Variants in PSME4 observed in about 807,000 individuals in gnomAD.
The protein encoded by PSME4 is proteasome activator subunit 4.
Under a neutral mutation model 253.9 loss-of-function variants are expected in PSME4, and 89 were observed. The ratio of observed to expected loss-of-function variants is 0.35; its 90% CI spans 0.30 to 0.42. The LOEUF is 0.42. PSME4 is among the 10% of genes least tolerant of loss of function. PSME4 has a pLI of 1.00. For synonymous variants in PSME4, 851 were observed against 759.2 expected, an observed-to-expected ratio of 1.12 and a Z score of -1.99; for missense variants, 2,014 against 2,195.2, an observed-to-expected ratio of 0.92 and a Z score of 1.65.
At chr2:53,916,282 G>A (rs921502168) in intron 20 of PSME4, among the ~76,000 whole-genome samples, 12 of 150,822 alleles carry the variant, frequency 8.0e-5, no homozygotes, top group African/African-American at 1.7e-4. Context: ...TGCTATGTGC[G>A]TCTAAAAACT....
intron 1 of PSME4, among the ~76,000 whole-genome samples, chr2:53,968,545 T>A (rs771024653): frequency 6.6e-6 from 1 of 152,174 alleles, no homozygotes; most frequent in Non-Finnish European, 1.5e-5. Flanking sequence ...CACCTTAACA[T>A]GACTTAGGAA....
At chr2:53,878,011 C>G (rs1485219900) in intron 41 of PSME4, among the ~76,000 whole-genome samples, 1 of 152,116 alleles carries the variant, frequency 6.6e-6, no homozygotes, top group Non-Finnish European at 1.5e-5. Context: ...AAAAGTGAGT[C>G]TCTGAGGAAA....
intron 43 of PSME4, among the ~76,000 whole-genome samples, chr2:53,873,343 A>G (rs1040452696): frequency 6.6e-6 from 1 of 152,134 alleles, no homozygotes; most frequent in Non-Finnish European, 1.5e-5. Context: ...TAGACTCATT[A>G]GGGAGGTAGA....
intron 3 of PSME4, among the ~76,000 whole-genome samples, chr2:53,946,630 C>G (rs547930543): frequency 1.0e-3 from 158 of 152,320 alleles, no homozygotes; most frequent in Non-Finnish European, 1.6e-3. Context: ...GTGTAGTGGC[C>G]CATGCCTGTA....
intron 3 of PSME4, among the ~76,000 whole-genome samples, chr2:53,941,469 G>T (rs931016100): frequency 6.6e-6 from 1 of 151,688 alleles, no homozygotes; most frequent in Admixed American, 6.6e-5. Flanking sequence ...ATCCAACTAC[G>T]TTTAAAGCTC....
intron 36 of PSME4, 52 bp from the exon 37 acceptor site, chr2:53,890,260 T>C (rs1399363096): frequency 8.4e-7 from 1 of 1,191,806 alleles, no homozygotes. Flanking sequence ...AGAACATTTT[T>C]CTTCAAATAT....
At chr2:53,904,325 T>C (rs1165747286) in intron 26 of PSME4, among the ~76,000 whole-genome samples, 169 bp from the exon 27 acceptor site, 4 of 152,152 alleles carry the variant, frequency 2.6e-5, no homozygotes, top group African/African-American at 9.7e-5. Context: ...TTTACTTATA[T>C]CAAAAGGAAA....
intron 4 of PSME4, among the ~76,000 whole-genome samples, chr2:53,937,768 T>C (rs1251180354): frequency 6.6e-6 from 1 of 151,906 alleles, no homozygotes; most frequent in Non-Finnish European, 1.5e-5. Flanking sequence ...GAAGCTGAGG[T>C]CGATGGATCA....
At chr2:53,926,152 G>C in intron 12 of PSME4, 129 bp from the exon 13 acceptor site, 8 of 667,368 alleles carry the variant, frequency 1.2e-5, no homozygotes, top group Non-Finnish European at 2.1e-5. Flanking sequence ...ATGAGAAACA[G>C]CACCATGCTA....
rs1668526922 is a variant in PSME4 at position 53,925,633 on chromosome 2, G to C, written c.1715C>G (p.Thr572Ser). The C allele has an allele frequency of 1.2e-6, 2 of 1,611,048 alleles. No homozygotes were observed. The highest frequency in any genetic ancestry group is 1.3e-5 in the African/African-American group (1 of 74,898). Residue 572 changes from threonine to serine, a missense_variant, in exon 14 of 47, where the codon ACT becomes AGT. Transcript: ENST00000404125. ...ACTCTCCAAGTGTGTCATTTTCTCA[G>C]TTTCTGTCTCTTCTCTTGTTTGCTC... ...TLEQTREETE[T>S]EKMTHLESLV... is the part of the protein sequence containing the mutation.
chr2:53,937,258 A>C (rs1669167992), intron 5 of PSME4, 133 bp downstream of exon 5: 2 of 842,850 alleles, frequency 2.4e-6, no homozygotes, highest in Non-Finnish European at 3.6e-6. Context: ...ACACACTTCA[A>C]GTATAATAAA....
At chr2:53,938,729 T>C (rs958777434) in intron 4 of PSME4, among the ~76,000 whole-genome samples, 1 of 152,194 alleles carries the variant, frequency 6.6e-6, no homozygotes, top group African/African-American at 2.4e-5. Flanking sequence ...AATCCTACTA[T>C]ATCTTCATAT....
intron 12 of PSME4, 31 bp downstream of exon 12, chr2:53,927,363 T>C (rs1171976322): frequency 2.1e-6 from 3 of 1,412,124 alleles, no homozygotes; most frequent in Admixed American, 3.4e-5. Flanking sequence ...TAGAACATCT[T>C]AGCCCTTTTA....
rs758871125 is a variant in PSME4 at position 53,949,125 on chromosome 2, C to T, written c.383+18G>A. 21 of 1,570,914 alleles carry T rather than the reference C, an allele frequency of 1.3e-5. 1 individual carries two copies. The highest frequency in any genetic ancestry group is 1.7e-4 in the Middle Eastern group (1 of 5,922). On this transcript the variant is annotated intron_variant, in intron 2 of 46. Transcript: ENST00000404125. Reference sequence around the variant, plus strand: ...GAAACAAACAAACCTTAACAGAAACCTCTGGAAAAAGACTTACTTTAACAA... The same window carrying T: ...GAAACAAACAAACCTTAACAGAAACTTCTGGAAAAAGACTTACTTTAACAA...
intron 3 of PSME4, among the ~76,000 whole-genome samples, chr2:53,940,970 T>TA (rs1558413968): frequency 1.5e-5 from 1 of 67,066 alleles, no homozygotes; most frequent in Non-Finnish European, 3.4e-5. Context: ...TATATATATA[T>TA]ATATATATAT....
chr2:53,908,218 C>T, intron 24 of PSME4, 102 bp downstream of exon 24: 24 of 855,666 alleles, frequency 2.8e-5, no homozygotes, highest in East Asian at 8.4e-5. Flanking sequence ...ACTATTTTTC[C>T]TTTTAGGAAA....
intron 41 of PSME4, among the ~76,000 whole-genome samples, chr2:53,883,482 A>G (rs1679489093): frequency 6.6e-6 from 1 of 152,120 alleles, no homozygotes; most frequent in South Asian, 2.1e-4. Flanking sequence ...CTGTCTCAGA[A>G]AAAAGCGGTG....
chr2:53,919,273 T>C (rs1668195687), intron 19 of PSME4, 27 bp from the exon 20 acceptor site: 5 of 1,553,998 alleles, frequency 3.2e-6, no homozygotes, highest in Non-Finnish European at 3.5e-6. Flanking sequence ...GACATTTTCA[T>C]ATTTCCAAAT....
rs1484613204 is a variant in PSME4 at position 53,897,976 on chromosome 2, C to A, written c.3500G>T (p.Gly1167Val). The A allele has an allele frequency of 6.2e-7, 1 of 1,613,512 alleles. No individual in the cohort carries two copies. The highest frequency in any genetic ancestry group is 8.5e-7 in the Non-Finnish European group (1 of 1,179,740). ...RNLPWKFEHI[G>V]IGLLSLLLRD... ...CAGCAGTAGAGACAGAAGCCCAATG[C>A]CTATATGTTCAAATTTCCAGGGCCT... The change falls in exon 31 of 47, where the codon GGC (glycine) becomes GTC (valine). Residue 1167 changes from glycine (G) to valine (V), a missense_variant. Around this residue, in one of 4 missense-constraint regions of PSME4, gnomAD observed 989 missense variants for 1,021.1 expected, o/e 0.97. Coordinates refer to ENST00000404125, the MANE Select transcript of PSME4 (RefSeq NM_014614.3).
Sources: gnomAD v4.1 joint callset for allele counts (sites outside exome capture counted in the v4.1 genomes callset) on GRCh38, gnomAD v4.1.1 for gene constraint, gnomAD v4.1.1 regional missense constraint, MANE v1.5 for transcripts, NCBI Gene and HGNC (gene_info 2026-07-23, HGNC 2026-07-21) for gene names.